The following SCFD2 variants were observed in gnomAD, a reference collection of about 807,000 sequenced individuals.
The protein encoded by SCFD2 is sec1 family domain containing 2, also known as sec1 family domain-containing protein 2.
A neutral mutation model predicts 58.9 loss-of-function variants in SCFD2; 54 were observed. That is an observed-to-expected ratio of 0.92 (90% CI 0.74 to 1.15). The LOEUF is 1.15. Ranked by LOEUF, SCFD2 falls within the 50% of genes most tolerant of loss-of-function variation. The pLI is 0.00. For missense variants in SCFD2, 805 were observed against 836.6 expected (o/e 0.96, Z 0.47); for synonymous variants, 321 against 335.9 (o/e 0.96, Z 0.49).
intron 4 of SCFD2, among the ~76,000 whole-genome samples, chr4:53,249,411 A>G (rs184126122): frequency 6.6e-6 from 1 of 152,342 alleles, no homozygotes; most frequent in African/African-American, 2.4e-5. Context: ...AACTTCCCCA[A>G]TCTAGCAAGG....
intron 1 of SCFD2, among the ~76,000 whole-genome samples, chr4:53,356,678 G>A (rs1302637897): frequency 6.6e-6 from 1 of 151,306 alleles, no homozygotes; most frequent in Non-Finnish European, 1.5e-5. Flanking sequence ...CACCACTTTG[G>A]CCTCCCAAAG....
intron 5 of SCFD2, among the ~76,000 whole-genome samples, chr4:53,086,710 A>T (rs551007918): frequency 6.6e-6 from 1 of 152,348 alleles, no homozygotes; most frequent in South Asian, 2.1e-4. Context: ...ATAAAAAAGA[A>T]TGAGATTCTG....
chr4:53,320,055 G>A (rs1732981163), intron 2 of SCFD2, among the ~76,000 whole-genome samples: 1 of 152,126 alleles, frequency 6.6e-6, no homozygotes, highest in African/African-American at 2.4e-5. Flanking sequence ...TATGTCATAG[G>A]CAGCATGACT....
intron 2 of SCFD2, among the ~76,000 whole-genome samples, chr4:53,335,743 C>CA (rs1023289926): frequency 1.3e-5 from 2 of 151,092 alleles, no homozygotes; most frequent in South Asian, 2.1e-4. Flanking sequence ...TCAATCAATT[C>CA]AAAAAAAATA....
chr4:53,128,051 A>AAAAAAAAAAAAAAAAAAAC, intron 5 of SCFD2, among the ~76,000 whole-genome samples: 1 of 9,492 alleles, frequency 1.1e-4, no homozygotes, highest in African/African-American at 5.8e-4. Flanking sequence ...CCATGTCCTA[A>AAAAAAAAAAAAAAAAAAAC]AAAAAAAAAA....
At chr4:53,173,551 T>C (rs1200972588) in intron 4 of SCFD2, among the ~76,000 whole-genome samples, 4 of 152,150 alleles carry the variant, frequency 2.6e-5, no homozygotes, top group Non-Finnish European at 2.9e-5. Context: ...CTGTTTCTTT[T>C]TATTGGAAAA....
At chr4:52,888,099 A>C (rs1168708766) in intron 7 of SCFD2, among the ~76,000 whole-genome samples, 1 of 151,310 alleles carries the variant, frequency 6.6e-6, no homozygotes, top group Non-Finnish European at 1.5e-5. Context: ...TTTAGTAGAG[A>C]CGGGGTTTCA....
At chr4:52,945,493 G>A (rs1470389656) in intron 5 of SCFD2, among the ~76,000 whole-genome samples, 1 of 152,086 alleles carries the variant, frequency 6.6e-6, no homozygotes, top group African/African-American at 2.4e-5. Context: ...TCATGGCAAT[G>A]AGTATGAGGA....
At chr4:53,292,625 T>C (rs922300394) in intron 3 of SCFD2, among the ~76,000 whole-genome samples, 2 of 152,016 alleles carry the variant, frequency 1.3e-5, no homozygotes, top group African/African-American at 2.4e-5. Context: ...AATTCAACCA[T>C]TGTGGACGAC....
At chr4:53,107,428 T>G (rs1725037366) in intron 5 of SCFD2, among the ~76,000 whole-genome samples, 2 of 152,132 alleles carry the variant, frequency 1.3e-5, no homozygotes, top group Admixed American at 6.5e-5. Context: ...ATACACAGAC[T>G]GGCAAATTGG....
At chr4:53,247,602 G>C (rs1245814741) in intron 4 of SCFD2, among the ~76,000 whole-genome samples, 1 of 152,072 alleles carries the variant, frequency 6.6e-6, no homozygotes, top group Non-Finnish European at 1.5e-5. Context: ...GCTCACGCCT[G>C]TAATCCCAGC....
chr4:52,931,737 CAGAG>C (rs1720001394), intron 5 of SCFD2, among the ~76,000 whole-genome samples: 1 of 152,340 alleles, frequency 6.6e-6, no homozygotes, highest in Admixed American at 6.5e-5. Flanking sequence ...TCCAGCATCT[CAGAG>C]AGAGTGACAT....
chr4:53,059,228 C>T (rs1327529519), intron 5 of SCFD2, among the ~76,000 whole-genome samples: 1 of 152,108 alleles, frequency 6.6e-6, no homozygotes. Context: ...ACAGCAAAGG[C>T]CTGTGCTGGT....
At chr4:53,207,511 T>TATATAA (rs1553886456) in intron 4 of SCFD2, among the ~76,000 whole-genome samples, 352 of 12,924 alleles carry the variant, frequency 0.027, 22 homozygotes, top group African/African-American at 0.078. Context: ...ATATATTATA[T>TATATAA]ATATTATATA....
rs1727089838 is a variant in SCFD2 at position 53,168,787 on chromosome 4, T to C, written c.1312-23205A>G. Among the ~76,000 whole-genome samples, 3 of 152,220 alleles carry C rather than the reference T, an allele frequency of 2.0e-5. No homozygotes were observed. The South Asian group carries it at 6.2e-4, about 31-fold the overall frequency. On this transcript the variant is annotated intron_variant, in intron 4 of 8. Transcript: ENST00000401642. The stretch of plus-strand genomic sequence containing the variant: ...AAATTTACTCTCAGTAATTTTGAAA[T>C]ATATAGTATGTTAGTATTACTATAG...
chr4:52,986,044 G>GTGACGTCGCAGTCAAGCAGATC (rs1162784161), intron 5 of SCFD2, among the ~76,000 whole-genome samples: 1 of 152,016 alleles, frequency 6.6e-6, no homozygotes, highest in African/African-American at 2.4e-5. Context: ...CTGTCCCCCT[G>GTGACGTCGCAGTCAAGCAGATC]TGACGTCGCA....
At chr4:53,279,547 G>A (rs1204865606) in intron 3 of SCFD2, among the ~76,000 whole-genome samples, 1 of 152,120 alleles carries the variant, frequency 6.6e-6, no homozygotes, top group Non-Finnish European at 1.5e-5. Flanking sequence ...TATGTCTTGG[G>A]TAAAAGGTTA....
chr4:53,032,866 G>T (rs1010695947), intron 5 of SCFD2, among the ~76,000 whole-genome samples: 2 of 152,044 alleles, frequency 1.3e-5, no homozygotes, highest in Admixed American at 1.3e-4. Context: ...CACAATAATA[G>T]TAGGAGACTT....
At chr4:53,189,349 G>C (rs1476385271) in intron 4 of SCFD2, among the ~76,000 whole-genome samples, 1 of 152,160 alleles carries the variant, frequency 6.6e-6, no homozygotes, top group Non-Finnish European at 1.5e-5. Context: ...TGTCACATGA[G>C]ACTAAAAGGA....
Sources: allele counts gnomAD v4.1 joint callset (sites outside exome capture counted in the v4.1 genomes callset), GRCh38; gene constraint gnomAD v4.1.1; transcripts MANE v1.5; gene names NCBI Gene and HGNC (gene_info 2026-07-23, HGNC 2026-07-21).